Variants in NEB observed in about 807,000 individuals in gnomAD.
The protein encoded by NEB is nemaline myopathy type 2.
In NEB, 512 loss-of-function variants were observed where a neutral mutation model predicts 952.2. The ratio of observed to expected loss-of-function variants is 0.54; its 90% CI spans 0.50 to 0.58. The LOEUF is 0.58. NEB is among the 20% of genes least tolerant of loss of function. The pLI is 0.00. For synonymous variants in NEB, 2,900 were observed against 3,149.8 expected, an observed-to-expected ratio of 0.92 and a Z score of 2.66; for missense variants, 8,428 against 9,231.1, an observed-to-expected ratio of 0.91 and a Z score of 3.56.
At chr2:151,518,941 T>A in intron 155 of NEB, 24 bp downstream of exon 155, 1 of 1,545,288 alleles carries the variant, frequency 6.5e-7, no homozygotes, top group Non-Finnish European at 8.9e-7. Context: ...ACAAGCTGTT[T>A]CTGGAGCAAA....
intron 165 of NEB, among the ~76,000 whole-genome samples, chr2:151,504,952 CAGGAGAAGAAACCTTGAAAGGGAG>C (rs924008299): frequency 6.6e-5 from 10 of 151,972 alleles, no homozygotes; most frequent in African/African-American, 1.9e-4. Context: ...GCAAAGAATA[CAGGAGAAGAAACCTTGAAAGGGAG>C]GGGAGAAGAG....
At position 151,695,630 on chromosome 2, in the gene NEB, G is replaced by T. The variant is rs375737365; in HGVS notation, c.1622C>A (p.Pro541His). Residue 541 changes from proline (P) to histidine (H), a missense_variant, in exon 18 of 182, where the codon CCT becomes CAT. By Grantham distance (77) the Pro-to-His change is moderately conservative. Coordinates refer to ENST00000397345, the MANE Select transcript of NEB (RefSeq NM_001164508.2). ...ESEKFKCHIP[P>H]DTPAFIQHKV... Reference sequence around the variant, plus strand: ...GTGCTGGATAAAAGCAGGAGTATCAGGGGGGATATGGCACTTGAACTTTTC... The same window carrying T: ...GTGCTGGATAAAAGCAGGAGTATCATGGGGGATATGGCACTTGAACTTTTC... 1 of 1,613,742 alleles carries T rather than the reference G, an allele frequency of 6.2e-7. No homozygotes were observed. The highest frequency in any genetic ancestry group is 8.5e-7 in the Non-Finnish European group (1 of 1,179,714).
Position 151,696,093 on chromosome 2 carries a change from T to C in NEB, c.1570-411A>G, listed in dbSNP as rs111586622. On this transcript the variant is annotated intron_variant, in intron 17 of 181. Transcript: ENST00000397345. ...TGGAGCCTTCATTTCTGGCCATTCA[T>C]CTATTGAGGTCACTTTTATTTTTTT... Among the ~76,000 whole-genome samples, 573 of 152,310 alleles carry C rather than the reference T, an allele frequency of 3.8e-3. 5 individuals are homozygous for C. The highest frequency in any genetic ancestry group is 0.013 in the African/African-American group (529 of 41,562).
chr2:151,501,499 C>CAACA lies in NEB; in HGVS notation c.23929-20_23929-17dup, dbSNP rs1205054716. 1.4e-6 allele frequency: 2 copies of CAACA among 1,422,494 alleles called. No homozygotes were observed. Among genetic ancestry groups the CAACA allele is most frequent in the South Asian group, 1.6e-5 (1 of 64,510 alleles). The allele number at this position is 1,422,494 out of a possible 1,614,324, so 88.1% of individuals were successfully genotyped here. ...TGTACAATATCTGTGTGCACAAAACCAACAAACAAATCAACCTGGACCCAT... is the reference window on the plus strand; with the variant it reads ...TGTACAATATCTGTGTGCACAAAACCAACAAACAAACAAATCAACCTGGACCCAT... On this transcript the variant is annotated splice_polypyrimidine_tract_variant and intron_variant, in intron 167 of 181. Coordinates refer to ENST00000397345, the MANE Select transcript of NEB (RefSeq NM_001164508.2).
intron 172 of NEB, 142 bp from the exon 173 acceptor site, chr2:151,496,510 C>A: frequency 6.9e-7 from 1 of 1,443,318 alleles, no homozygotes; most frequent in Non-Finnish European, 9.3e-7. Context: ...AAAATGCCAC[C>A]AGCTACTTTA....
chr2:151,546,035 T>C (rs778729219), intron 134 of NEB, 37 bp from the exon 135 acceptor site: 3 of 1,252,594 alleles, frequency 2.4e-6, no homozygotes, highest in African/African-American at 1.5e-5. Context: ...TACAAGTTGA[T>C]TAATCATTTA....
chr2:151,717,340 T>C, intron 10 of NEB, 76 bp downstream of exon 10: 1 of 1,022,432 alleles, frequency 9.8e-7, no homozygotes, highest in Non-Finnish European at 1.5e-6. Context: ...GTCTCACCTT[T>C]AGTAACCCTC....
At chr2:151,698,419 G>A (rs1056579459) in intron 13 of NEB, among the ~76,000 whole-genome samples, 1 of 152,030 alleles carries the variant, frequency 6.6e-6, no homozygotes, top group Non-Finnish European at 1.5e-5. Context: ...GGAAAGAAGG[G>A]AGAATAGGTA....
chr2:151,662,839 AT>A (rs1174947336), intron 45 of NEB, among the ~76,000 whole-genome samples: 3 of 151,922 alleles, frequency 2.0e-5, no homozygotes, highest in African/African-American at 7.3e-5. Flanking sequence ...TGTAAATTTC[AT>A]TTTTTCCTCC....
intron 11 of NEB, 77 bp downstream of exon 11, chr2:151,710,357 G>C: frequency 1.1e-6 from 1 of 940,068 alleles, no homozygotes; most frequent in Middle Eastern, 2.2e-4. Context: ...CATTCAGGTA[G>C]AGCAAGTAGC....
chr2:151,557,026 C>T (rs1313684959), intron 124 of NEB, among the ~76,000 whole-genome samples: 2 of 152,052 alleles, frequency 1.3e-5, no homozygotes, highest in African/African-American at 2.4e-5. Context: ...CAGAGCAGAA[C>T]TGAAGGAGAT....
At chr2:151,567,543 A>G in intron 113 of NEB, 64 bp from the exon 114 acceptor site, 1 of 1,455,098 alleles carries the variant, frequency 6.9e-7, no homozygotes, top group Middle Eastern at 1.8e-4. Flanking sequence ...AGGGGGCTTG[A>G]TCATCTACTA....
chr2:151,708,898 ACTT>A (rs1232983312), intron 12 of NEB, among the ~76,000 whole-genome samples: 3 of 152,200 alleles, frequency 2.0e-5, no homozygotes, highest in Non-Finnish European at 2.9e-5. Flanking sequence ...CTTTCAAAAG[ACTT>A]CTTATCACCT....
chr2:151,578,239 C>T (rs1460744449), intron 105 of NEB, among the ~76,000 whole-genome samples: 2 of 150,860 alleles, frequency 1.3e-5, no homozygotes, highest in African/African-American at 4.8e-5. Context: ...TCTAAAAATG[C>T]CTTAGGTGAG....
At chr2:151,592,261 AT>A in intron 94 of NEB, 123 bp from the exon 95 acceptor site, 1 of 1,331,438 alleles carries the variant, frequency 7.5e-7, no homozygotes. Flanking sequence ...TTTTAAGTGA[AT>A]TTTATAATAA....
intron 18 of NEB, among the ~76,000 whole-genome samples, chr2:151,695,038 G>A (rs79262260): frequency 0.016 from 2,423 of 152,200 alleles, 27 homozygotes; most frequent in Middle Eastern, 0.031. Context: ...GATAATCTTA[G>A]TACTCATTTA....
chr2:151,514,826 C>T lies in NEB; in HGVS notation c.23008G>A (p.Ala7670Thr). The T allele has an allele frequency of 6.4e-7, 1 of 1,570,326 alleles. No homozygotes were observed. The highest frequency in any genetic ancestry group is 8.6e-7 in the Non-Finnish European group (1 of 1,156,226). Residue 7670 changes from alanine (A) to threonine (T), a missense_variant, in exon 158 of 182, where the codon GCA becomes ACA. Coordinates refer to ENST00000397345, the MANE Select transcript of NEB (RefSeq NM_001164508.2). ...GACCAAGTGGGCACTACCTCGCTTG[C>T]TATTTTAGTTGCATATTTGACATGT... ...LLHVKYATKIASEKEYRKDLE... is the reference protein window; with the variant it reads ...LLHVKYATKITSEKEYRKDLE...
Position 151,514,866 on chromosome 2 carries a change from G to A in NEB, c.22968C>T (p.Val7656=). ...ATTTGACATGTAACAAAGCTGGCGT[G>A]ACCTCCAGGCCAGTCAGGTTTCTGC... ...IKGRNLTGLE[V]TPALLHVKYA... Residue 7656 remains valine (V), a synonymous_variant, in exon 158 of 182, where the codon GTC becomes GTT. Coordinates refer to ENST00000397345, the MANE Select transcript of NEB (RefSeq NM_001164508.2). The A allele has an allele frequency of 1.3e-6, 2 of 1,588,620 alleles. No homozygotes were observed. Among genetic ancestry groups the A allele is most frequent in the Non-Finnish European group, 1.7e-6 (2 of 1,166,020 alleles).
intron 9 of NEB, among the ~76,000 whole-genome samples, chr2:151,719,173 C>G (rs900609199): frequency 6.6e-6 from 1 of 151,916 alleles, no homozygotes; most frequent in African/African-American, 2.4e-5. Flanking sequence ...TGACTGTGAG[C>G]TCTGGGATGG....
Sources: allele counts gnomAD v4.1 joint callset (sites outside exome capture counted in the v4.1 genomes callset), GRCh38; gene constraint gnomAD v4.1.1; transcripts MANE v1.5; gene names NCBI Gene and HGNC (gene_info 2026-07-23, HGNC 2026-07-21).